UXS1: variants seen among roughly 807,000 people sequenced by gnomAD.
UXS1 encodes UDP-glucuronate decarboxylase 1.
A neutral mutation model predicts 62.6 loss-of-function variants in UXS1; 33 were observed. The ratio of observed to expected loss-of-function variants is 0.53; its 90% confidence interval spans 0.40 to 0.70. The LOEUF (loss-of-function observed/expected upper bound fraction) is 0.70. Among genes scored for constraint, UXS1 ranks in the 30% least tolerant of loss-of-function variants. The pLI is 0.00. For missense variants in UXS1, 434 were observed against 556.3 expected (o/e 0.78, Z 2.21); for synonymous variants, 213 against 206.8 (o/e 1.03, Z -0.26).
chr2:106,112,848 A>G, intron 9 of UXS1, 83 bp from the exon 10 acceptor site: 4 of 1,505,878 alleles, frequency 2.7e-6, no homozygotes, highest in Non-Finnish European at 3.6e-6. Flanking sequence ...CCCTGCATGC[A>G]ATGCAGAATG....
At position 106,145,867 on chromosome 2, in the gene UXS1, A is replaced by C. The variant is rs376026685; in HGVS notation, c.292-497T>G. On this transcript the variant is annotated intron_variant, in intron 5 of 14. Coordinates refer to ENST00000283148, the MANE Select transcript of UXS1 (RefSeq NM_001253875.2). ...CTGCAGGAAAAACAAATATCTTTTA[A>C]ATTGTTTATGAGAACAAATTAATAA... is the stretch of plus-strand genomic sequence containing the variant. 2.0e-5 allele frequency among the ~76,000 whole-genome samples: 3 copies of C among 152,238 alleles called. No individual in the cohort carries two copies. The East Asian group carries it at 5.8e-4, about 29-fold the overall frequency.
chr2:106,137,090 A>C (rs1364828797), intron 6 of UXS1, among the ~76,000 whole-genome samples: 2 of 151,902 alleles, frequency 1.3e-5, no homozygotes, highest in Non-Finnish European at 2.9e-5. Flanking sequence ...CAAAATCTTT[A>C]AAATTATTGA....
intron 6 of UXS1, among the ~76,000 whole-genome samples, chr2:106,140,582 C>G (rs1301456505): frequency 7.4e-6 from 1 of 134,670 alleles, no homozygotes; most frequent in East Asian, 2.7e-4. Context: ...CACCCCCGGC[C>G]CTCCATAGCA....
At chr2:106,174,087 AT>A (rs1181622226) in intron 1 of UXS1, among the ~76,000 whole-genome samples, 1 of 51,542 alleles carries the variant, frequency 1.9e-5, no homozygotes, top group Non-Finnish European at 3.5e-5. Flanking sequence ...GAGGAAGAGG[AT>A]TGGGGGGGGC....
chr2:106,176,939 C>A (rs1210210125), intron 1 of UXS1, among the ~76,000 whole-genome samples: 3 of 152,186 alleles, frequency 2.0e-5, no homozygotes, highest in Non-Finnish European at 4.4e-5. Flanking sequence ...AGCTATAAAA[C>A]CCTTGTGATG....
chr2:106,097,328 C>G (rs1677205457), intron 13 of UXS1: 4 of 410,420 alleles, frequency 9.7e-6, no homozygotes, highest in Non-Finnish European at 2.0e-5. Flanking sequence ...ACGGCAAAGG[C>G]TGGCCTGTTC....
chr2:106,160,179 C>T (rs1682781568), intron 4 of UXS1: 1 of 152,326 alleles, frequency 6.6e-6, no homozygotes, highest in South Asian at 2.1e-4. Flanking sequence ...CTTCTTCCCT[C>T]ACCAACTCAG....
At chr2:106,149,366 T>A (rs1280294675) in intron 5 of UXS1, among the ~76,000 whole-genome samples, 2 of 152,220 alleles carry the variant, frequency 1.3e-5, no homozygotes, top group Non-Finnish European at 2.9e-5. Flanking sequence ...AAGCACATTT[T>A]GGTAATTTAA....
chr2:106,113,710 T>C (rs550109660), intron 9 of UXS1, among the ~76,000 whole-genome samples: 10 of 152,336 alleles, frequency 6.6e-5, no homozygotes, highest in African/African-American at 1.9e-4. Flanking sequence ...AAACGTGCAC[T>C]TTCTGGGCAC....
chr2:106,138,800 A>T, intron 6 of UXS1: 2 of 985,462 alleles, frequency 2.0e-6, no homozygotes, highest in Non-Finnish European at 2.4e-6. Flanking sequence ...AACCCTATGA[A>T]AATCAAAGTT....
intron 10 of UXS1, 103 bp from the exon 11 acceptor site, chr2:106,104,940 CA>C (rs1677931975): frequency 2.9e-6 from 4 of 1,402,708 alleles, no homozygotes; most frequent in Admixed American, 3.4e-5. Context: ...AAACTGATCC[CA>C]GGGGGCAGTG....
At chr2:106,098,647 G>C in intron 13 of UXS1, 69 bp downstream of exon 13, 4 of 1,318,268 alleles carry the variant, frequency 3.0e-6, no homozygotes, top group Non-Finnish European at 4.3e-6. Flanking sequence ...CCACTTTCTA[G>C]TCAAGGTGTT....
At chr2:106,193,964 C>T (rs1467138230) in intron 1 of UXS1, among the ~76,000 whole-genome samples, 184 bp downstream of exon 1, 1 of 151,954 alleles carries the variant, frequency 6.6e-6, no homozygotes, top group Non-Finnish European at 1.5e-5. Context: ...GGGTGTGCGC[C>T]CAAGTTGGCC....
chr2:106,174,104 C>T (rs1410554851), intron 1 of UXS1, among the ~76,000 whole-genome samples: 4 of 12,184 alleles, frequency 3.3e-4, no homozygotes, highest in East Asian at 1.9e-3. Context: ...GGGGCGGGGG[C>T]GGGATGGCAA....
chr2:106,108,104 T>G (rs1678243987), intron 10 of UXS1, among the ~76,000 whole-genome samples: 1 of 152,206 alleles, frequency 6.6e-6, no homozygotes, highest in Non-Finnish European at 1.5e-5. Context: ...CCTGGAATAC[T>G]TCCTTCCTCA....
intron 11 of UXS1, chr2:106,102,292 G>T (rs1869063): frequency 6.6e-6 from 1 of 151,998 alleles, no homozygotes; most frequent in Non-Finnish European, 1.5e-5. Context: ...CATCTGTGCA[G>T]GTTTATAAAA....
chr2:106,188,931 A>AT (rs1684749465), intron 1 of UXS1, among the ~76,000 whole-genome samples: 1 of 152,260 alleles, frequency 6.6e-6, no homozygotes, highest in Non-Finnish European at 1.5e-5. Flanking sequence ...AAAAGTTCAC[A>AT]GAACAAAAAA....
intron 13 of UXS1, 33 bp downstream of exon 13, chr2:106,098,683 G>C (rs73949299): frequency 6.3e-7 from 1 of 1,577,208 alleles, no homozygotes; most frequent in Non-Finnish European, 8.7e-7. Context: ...AGGCACAGTC[G>C]ATTTTACTCA....
At position 106,101,094 on chromosome 2, in the gene UXS1, A is replaced by C; in HGVS notation, c.948T>G (p.Ala316=). 2 of 1,613,858 alleles carry C rather than the reference A, an allele frequency of 1.2e-6. No homozygotes were observed. The highest frequency in any genetic ancestry group is 1.7e-6 in the Non-Finnish European group (2 of 1,179,868). ...GGCTGCTGACGTTGCTGTTCATGAGAGCCACGAGGCCATTCACTAGATCGC... is the reference window on the plus strand; with the variant it reads ...GGCTGCTGACGTTGCTGTTCATGAGCGCCACGAGGCCATTCACTAGATCGC... ...YVSDLVNGLV[A]LMNSNVSSPV... Residue 316 remains alanine (A), a synonymous_variant, in exon 12 of 15, where the codon GCT becomes GCG. Coordinates refer to ENST00000283148, the MANE Select transcript of UXS1 (RefSeq NM_001253875.2).
Sources: gnomAD v4.1 joint callset for allele counts (sites outside exome capture counted in the v4.1 genomes callset) on GRCh38, gnomAD v4.1.1 for gene constraint, MANE v1.5 for transcripts, NCBI Gene and HGNC (gene_info 2026-07-23, HGNC 2026-07-21) for gene names.